CYTH1: variants seen among roughly 807,000 people sequenced by gnomAD.
CYTH1 encodes the protein cytohesin 1, also known as cytohesin-1.
Under a neutral mutation model 61.8 loss-of-function variants are expected in CYTH1, and 18 were observed. That is an observed-to-expected ratio of 0.29 (90% confidence interval 0.20 to 0.43). The LOEUF is 0.43. Ranked by LOEUF, CYTH1 falls within the 20% of genes least tolerant of loss-of-function variation. CYTH1 has a pLI of 1.00. For missense variants in CYTH1, 336 were observed against 510.5 expected, an observed-to-expected ratio of 0.66 and a Z score of 3.29; for synonymous variants, 174 against 184.3, an observed-to-expected ratio of 0.94 and a Z score of 0.45.
At chr17:78,723,012 C>T (rs1323503152) in intron 1 of CYTH1, among the ~76,000 whole-genome samples, 1 of 152,204 alleles carries the variant, frequency 6.6e-6, no homozygotes, top group Non-Finnish European at 1.5e-5. Flanking sequence ...CACTGAATGC[C>T]TGGATACCTA....
intron 1 of CYTH1, among the ~76,000 whole-genome samples, chr17:78,745,978 T>A (rs2093358167): frequency 1.3e-5 from 2 of 152,216 alleles, no homozygotes; most frequent in South Asian, 4.1e-4. Context: ...CATGTGCCAG[T>A]TCCTATGTGT....
At chr17:78,720,135 A>C (rs1182744276) in intron 1 of CYTH1, among the ~76,000 whole-genome samples, 1 of 152,070 alleles carries the variant, frequency 6.6e-6, no homozygotes, top group Non-Finnish European at 1.5e-5. Context: ...GGCGGGTTTC[A>C]GTTTTGCAAG....
chr17:78,677,739 T>G (rs1193827147), intron 13 of CYTH1: 1 of 152,296 alleles, frequency 6.6e-6, no homozygotes, highest in Non-Finnish European at 1.5e-5. Flanking sequence ...CGTCCTGAAC[T>G]TGACCTCGAA....
intron 1 of CYTH1, among the ~76,000 whole-genome samples, chr17:78,718,891 G>A (rs1410872801): frequency 6.6e-6 from 1 of 152,146 alleles, no homozygotes; most frequent in Non-Finnish European, 1.5e-5. Context: ...TTCCTCTTTT[G>A]CTTCTTTCTA....
At chr17:78,775,642 A>G (rs1376664026) in intron 1 of CYTH1, among the ~76,000 whole-genome samples, 1 of 152,226 alleles carries the variant, frequency 6.6e-6, no homozygotes, top group East Asian at 1.9e-4. Context: ...TCAAAGGCAA[A>G]TAAAAAGTAA....
intron 1 of CYTH1, among the ~76,000 whole-genome samples, chr17:78,732,698 A>C (rs2093300835): frequency 6.6e-6 from 1 of 152,210 alleles, no homozygotes; most frequent in African/African-American, 2.4e-5. Context: ...GGGGGATATG[A>C]ATTGATAGTT....
At chr17:78,715,236 G>A (rs2093170833) in intron 1 of CYTH1, among the ~76,000 whole-genome samples, 1 of 152,008 alleles carries the variant, frequency 6.6e-6, no homozygotes, top group African/African-American at 2.4e-5. Flanking sequence ...CAGTATAAGA[G>A]CCCGCACACT....
intron 1 of CYTH1, among the ~76,000 whole-genome samples, chr17:78,781,053 T>A (rs1340102212): frequency 6.7e-6 from 1 of 149,438 alleles, no homozygotes; most frequent in East Asian, 2.0e-4. Flanking sequence ...TAAAATAAAA[T>A]AAAAAATTAG....
chr17:78,687,073 G>A lies in CYTH1; in HGVS notation c.891+5344C>T, dbSNP rs187085474. On this transcript the variant is annotated intron_variant, in intron 11 of 13. Transcript: ENST00000446868. Reference sequence around the variant, plus strand: ...TGGGATTACAGGAGTGAGCCACCGCGCCCAGCCTACATTACATTTATTGTA... The same window carrying A: ...TGGGATTACAGGAGTGAGCCACCGCACCCAGCCTACATTACATTTATTGTA... Among the ~76,000 whole-genome samples the A allele has an allele frequency of 1.4e-4, 21 of 152,150 alleles. No individual in the cohort carries two copies. In the East Asian group the frequency reaches 3.3e-3, roughly 24 times the overall value.
intron 3 of CYTH1, among the ~76,000 whole-genome samples, chr17:78,707,047 G>A (rs1049313718): frequency 1.3e-5 from 2 of 152,238 alleles, no homozygotes; most frequent in African/African-American, 4.8e-5. Flanking sequence ...AAATTTTTAT[G>A]AAGTCCAACG....
rs139933152 is a variant in CYTH1 at position 78,758,002 on chromosome 17, G to A, written c.22+24200C>T. Among the ~76,000 whole-genome samples the A allele has an allele frequency of 4.6e-3, 700 of 152,258 alleles. 7 individuals are homozygous for A. The highest frequency in any genetic ancestry group is 0.016 in the African/African-American group (653 of 41,526). On this transcript the variant is annotated intron_variant, in intron 1 of 13. Coordinates refer to ENST00000446868, the MANE Select transcript of CYTH1 (RefSeq NM_004762.6). ...AAGTATCATCATATACTGGTATGAG[G>A]TGTAAACTGATTCACACTTTCTGAA...
intron 2 of CYTH1, chr17:78,709,252 A>T (rs1325368823): frequency 5.5e-6 from 1 of 182,182 alleles, no homozygotes; most frequent in Non-Finnish European, 1.1e-5. Context: ...TCTTGTCTCA[A>T]ATCATTCAGC....
At chr17:78,689,155 C>A (rs1250021953) in intron 11 of CYTH1, among the ~76,000 whole-genome samples, 1 of 152,132 alleles carries the variant, frequency 6.6e-6, no homozygotes, top group African/African-American at 2.4e-5. Flanking sequence ...TTAAAGCCTG[C>A]CACCAGATAC....
Position 78,709,678 on chromosome 17 carries a change from C to T in CYTH1, c.77G>A (p.Arg26Lys), listed in dbSNP as rs780868802. 1 of 1,614,266 alleles carries T rather than the reference C, an allele frequency of 6.2e-7. No homozygotes were observed. Among genetic ancestry groups the T allele is most frequent in the Non-Finnish European group, 8.5e-7 (1 of 1,180,050 alleles). The part of the protein sequence containing the change: ...ERQELENIRR[R>K]KQELLADIQR... Reference sequence around the variant, plus strand: ...AATGTCAGCCAGCAGCTCCTGTTTTCTCCGTCGGATGTTCTCCAGTTCTTG... The same window carrying T: ...AATGTCAGCCAGCAGCTCCTGTTTTTTCCGTCGGATGTTCTCCAGTTCTTG... The change falls in exon 2 of 14, where the codon AGA (arginine) becomes AAA (lysine). Residue 26 changes from arginine to lysine, a missense_variant. Around this residue, in one of 4 missense-constraint regions of CYTH1, gnomAD observed 112 missense variants for 127.1 expected, o/e 0.88. Coordinates refer to ENST00000446868, the MANE Select transcript of CYTH1 (RefSeq NM_004762.6).
At chr17:78,769,267 C>T (rs1256181749) in intron 1 of CYTH1, among the ~76,000 whole-genome samples, 1 of 152,132 alleles carries the variant, frequency 6.6e-6, no homozygotes, top group Non-Finnish European at 1.5e-5. Context: ...ATAACTGTCC[C>T]CCATTTCTCT....
At chr17:78,706,294 C>G (rs925030119) in intron 3 of CYTH1, among the ~76,000 whole-genome samples, 7 of 150,496 alleles carry the variant, frequency 4.7e-5, no homozygotes, top group Non-Finnish European at 1.0e-4. Context: ...GTCAACCCCA[C>G]CCCACCCCGC....
chr17:78,728,937 T>C (rs2093279845), intron 1 of CYTH1, among the ~76,000 whole-genome samples: 1 of 152,220 alleles, frequency 6.6e-6, no homozygotes, highest in East Asian at 1.9e-4. Flanking sequence ...TGAATAATTC[T>C]AGAATAGAGC....
chr17:78,761,080 C>T (rs960876440), intron 1 of CYTH1, among the ~76,000 whole-genome samples: 2 of 152,062 alleles, frequency 1.3e-5, no homozygotes, highest in African/African-American at 2.4e-5. Context: ...GTGATCCACC[C>T]ACCTCGGCCT....
At chr17:78,684,633 A>T (rs566038477) in intron 11 of CYTH1, among the ~76,000 whole-genome samples, 2 of 152,234 alleles carry the variant, frequency 1.3e-5, no homozygotes, top group African/African-American at 4.8e-5. Flanking sequence ...AAATACTCCA[A>T]ATCCAATCAC....
Sources: allele counts gnomAD v4.1 joint callset (sites outside exome capture counted in the v4.1 genomes callset), GRCh38; gene constraint gnomAD v4.1.1; regional missense constraint gnomAD v4.1.1; transcripts MANE v1.5; gene names NCBI Gene and HGNC (gene_info 2026-07-23, HGNC 2026-07-21).